Variants in MORN1 observed in about 807,000 individuals in gnomAD.
The protein encoded by MORN1 is MORN repeat containing 1.
In MORN1, 67 loss-of-function variants were observed where a neutral mutation model predicts 61.9. The ratio of observed to expected loss-of-function variants is 1.08; its 90% CI spans 0.89 to 1.33. The LOEUF (loss-of-function observed/expected upper bound fraction) is 1.33. Among genes scored for constraint, MORN1 ranks in the 40% most tolerant of loss-of-function variants. The pLI, the probability that MORN1 is intolerant of heterozygous loss-of-function variation, is 0.00. For synonymous variants in MORN1, 301 were observed against 292.0 expected, an observed-to-expected ratio of 1.03 and a Z score of -0.31; for missense variants, 752 against 691.2, an observed-to-expected ratio of 1.09 and a Z score of -0.99.
chr1:2,332,912 C>G (rs1303664584), intron 12 of MORN1, among the ~76,000 whole-genome samples: 1 of 152,144 alleles, frequency 6.6e-6, no homozygotes, highest in African/African-American at 2.4e-5. Context: ...GGCTGGGGCT[C>G]CGTGACCTCC....
intron 10 of MORN1, among the ~76,000 whole-genome samples, chr1:2,343,048 C>T (rs1569950932): frequency 6.6e-6 from 1 of 152,150 alleles, no homozygotes; most frequent in African/African-American, 2.4e-5. Flanking sequence ...CCTGCCTTTC[C>T]TGAGGCATAG....
At chr1:2,361,376 T>C (rs1355623017) in intron 8 of MORN1, among the ~76,000 whole-genome samples, 2 of 151,810 alleles carry the variant, frequency 1.3e-5, no homozygotes, top group Non-Finnish European at 2.9e-5. Flanking sequence ...GGCCAACATG[T>C]CAAAACCCCG....
intron 7 of MORN1, among the ~76,000 whole-genome samples, 193 bp downstream of exon 7, chr1:2,374,268 A>G (rs1642186182): frequency 6.6e-6 from 1 of 152,216 alleles, no homozygotes; most frequent in Non-Finnish European, 1.5e-5. Context: ...GGGAAGCCCC[A>G]CTTGCAGCAG....
intron 8 of MORN1, among the ~76,000 whole-genome samples, chr1:2,363,827 A>ATATATAT (rs59002493): frequency 1.7e-3 from 137 of 78,464 alleles, no homozygotes; most frequent in African/African-American, 4.3e-3. Flanking sequence ...TATATATATA[A>ATATATAT]AAAAAATCAG....
At chr1:2,329,066 A>G (rs1346564943) in intron 12 of MORN1, among the ~76,000 whole-genome samples, 1 of 152,160 alleles carries the variant, frequency 6.6e-6, no homozygotes, top group African/African-American at 2.4e-5. Flanking sequence ...CCCTGTCCCC[A>G]GTGGGCGGTC....
chr1:2,361,428 C>T (rs1417020283), intron 8 of MORN1, among the ~76,000 whole-genome samples: 3 of 151,934 alleles, frequency 2.0e-5, no homozygotes, highest in Non-Finnish European at 2.9e-5. Context: ...TGTGGTGGCA[C>T]GTGTCTGTCA....
intron 10 of MORN1, among the ~76,000 whole-genome samples, chr1:2,350,047 A>G (rs1641612086): frequency 6.6e-6 from 1 of 152,202 alleles, no homozygotes; most frequent in South Asian, 2.1e-4. Context: ...CTCCAACTCA[A>G]TGGCCCAAAT....
At chr1:2,347,764 C>T (rs1049762043) in intron 10 of MORN1, among the ~76,000 whole-genome samples, 2 of 152,118 alleles carry the variant, frequency 1.3e-5, no homozygotes, top group South Asian at 2.1e-4. Flanking sequence ...GCTCGGCCCC[C>T]GCTGCCCCCG....
chr1:2,341,852 G>A (rs1437191881), intron 10 of MORN1, among the ~76,000 whole-genome samples: 2 of 152,216 alleles, frequency 1.3e-5, no homozygotes, highest in Non-Finnish European at 2.9e-5. Flanking sequence ...AGTGGTGCCC[G>A]CCAGCCCGAG....
chr1:2,324,256 C>G (rs974728088), intron 12 of MORN1, 113 bp from the exon 13 acceptor site: 4 of 1,122,870 alleles, frequency 3.6e-6, no homozygotes, highest in African/African-American at 1.6e-5. Context: ...GGCCCCAGCA[C>G]AGCAGAGGCC....
rs1365822712 is a variant in MORN1, at chr1:2,389,775, G to A, written c.148+150C>T. On this transcript the variant is annotated intron_variant, in intron 2 of 13. Transcript: ENST00000378531. ...GGCCTCTGTTTCCCCTGCCCATCCAGCCTTACCCTGAGCAGCCAGGGAAGC... is the reference window on the plus strand; with the variant it reads ...GGCCTCTGTTTCCCCTGCCCATCCAACCTTACCCTGAGCAGCCAGGGAAGC... The A allele has an allele frequency of 5.6e-6, 4 of 714,032 alleles. No individual in the cohort carries two copies. In the African/African-American group the frequency reaches 6.9e-5, roughly 12 times the overall value. The allele number at this position is 714,032 out of a possible 1,614,324, so 44.2% of individuals were successfully genotyped here.
intron 10 of MORN1, among the ~76,000 whole-genome samples, chr1:2,354,982 A>C (rs1177361565): frequency 1.3e-5 from 2 of 152,180 alleles, no homozygotes; most frequent in African/African-American, 4.8e-5. Context: ...CTGGACACTC[A>C]CATCATCGTC....
intron 6 of MORN1, chr1:2,377,338 C>T (rs961108308): frequency 6.6e-6 from 1 of 152,322 alleles, no homozygotes; most frequent in African/African-American, 2.4e-5. Flanking sequence ...ACAAAGGCGA[C>T]CCCAGGACCA....
intron 6 of MORN1, among the ~76,000 whole-genome samples, chr1:2,382,184 G>A (rs981627740): frequency 1.3e-5 from 2 of 152,200 alleles, no homozygotes. Context: ...GCCCAGGCCG[G>A]AGGGGATGGC....
intron 10 of MORN1, among the ~76,000 whole-genome samples, chr1:2,349,625 A>G (rs928082380): frequency 2.0e-5 from 3 of 152,232 alleles, no homozygotes; most frequent in African/African-American, 7.2e-5. Flanking sequence ...CTCTGCCATA[A>G]TTAACCATAG....
rs548749216 is a variant in MORN1, at chr1:2,321,962, T to C, written c.1298-383A>G. 17 of 960,640 alleles carry C rather than the reference T, an allele frequency of 1.8e-5. No homozygotes were observed. In the East Asian group the frequency reaches 1.7e-3, roughly 98 times the overall value. The allele number at this position is 960,640 out of a possible 1,614,324, so 59.5% of individuals were successfully genotyped here. On this transcript the variant is annotated intron_variant, in intron 13 of 13. Coordinates refer to ENST00000378531, the MANE Select transcript of MORN1 (RefSeq NM_024848.3). ...CTGAAGGATTCTTTTGCAAATACTTTCCTACTTTTTTAGGAGAAAAATAAT... is the reference window on the plus strand; with the variant it reads ...CTGAAGGATTCTTTTGCAAATACTTCCCTACTTTTTTAGGAGAAAAATAAT...
chr1:2,388,456 C>G (rs1642557911), intron 2 of MORN1, 119 bp from the exon 3 acceptor site: 1 of 748,594 alleles, frequency 1.3e-6, no homozygotes. Flanking sequence ...TTGTGTTTGG[C>G]TCCATCACTC....
intron 12 of MORN1, chr1:2,326,235 G>C (rs1376212953): frequency 6.6e-6 from 1 of 152,238 alleles, no homozygotes; most frequent in Non-Finnish European, 1.5e-5. Context: ...TTCATTTCGA[G>C]TGGGGAGAAC....
intron 6 of MORN1, chr1:2,379,214 T>C (rs756515150): frequency 5.3e-5 from 25 of 467,726 alleles, no homozygotes; most frequent in Non-Finnish European, 9.3e-5. Flanking sequence ...CTACTATAGA[T>C]GGGTGGATCA....
Sources: allele counts gnomAD v4.1 joint callset (sites outside exome capture counted in the v4.1 genomes callset), GRCh38; gene constraint gnomAD v4.1.1; transcripts MANE v1.5; gene names NCBI Gene and HGNC (gene_info 2026-07-23, HGNC 2026-07-21).